CHD7: variants seen among roughly 807,000 people sequenced by gnomAD.
CHD7 encodes chromodomain helicase DNA binding protein 7, also known as ATP-dependent chromatin remodeler CHD7.
CHD7 carries 24 observed loss-of-function variants against 307.3 expected under a neutral mutation model. That is an observed-to-expected ratio of 0.08 (90% CI 0.06 to 0.11). The LOEUF (loss-of-function observed/expected upper bound fraction) is 0.11. CHD7 is among the 10% of genes least tolerant of loss of function. The pLI, the probability that CHD7 is intolerant of heterozygous loss-of-function variation, is 1.00. For synonymous variants in CHD7, 1,363 were observed against 1,349.9 expected, an observed-to-expected ratio of 1.01 and a Z score of -0.21; for missense variants, 3,106 against 3,727.1, an observed-to-expected ratio of 0.83 and a Z score of 4.34.
chr8:60,728,128 C>T lies in CHD7; in HGVS notation c.-174-13131C>T, dbSNP rs536877623. Among the ~76,000 whole-genome samples the T allele has an allele frequency of 7.9e-5, 12 of 152,326 alleles. No homozygotes were observed. The South Asian group carries it at 1.0e-3, about 13-fold the overall frequency. On this transcript the variant is annotated intron_variant, in intron 1 of 37. Transcript: ENST00000423902. ...TAAAATGCACAACTCTCTTAAAAAG[C>T]GTAGCTTAAAAACTGTGGATTATTT...
At chr8:60,857,577 A>G (rs1805770994) in intron 34 of CHD7, among the ~76,000 whole-genome samples, 1 of 152,182 alleles carries the variant, frequency 6.6e-6, no homozygotes, top group African/African-American at 2.4e-5. Flanking sequence ...GTTTAGCACT[A>G]TATATCTTGA....
chr8:60,808,125 C>T, intron 6 of CHD7, 92 bp from the exon 7 acceptor site: 1 of 864,316 alleles, frequency 1.2e-6, no homozygotes, highest in Non-Finnish European at 1.9e-6. Flanking sequence ...CTTTTCAGTC[C>T]TATTTTGTGC....
intron 19 of CHD7, among the ~76,000 whole-genome samples, chr8:60,840,855 C>T (rs976479816): frequency 6.6e-6 from 1 of 152,072 alleles, no homozygotes; most frequent in East Asian, 1.9e-4. Context: ...TGACCTCAAG[C>T]CATCTACCCA....
At chr8:60,856,267 G>A (rs899078711) in intron 33 of CHD7, 65 bp downstream of exon 33, 21 of 1,356,972 alleles carry the variant, frequency 1.5e-5, no homozygotes, top group African/African-American at 2.9e-5. Flanking sequence ...CTGAGTTTGC[G>A]AGCTTATATT....
chr8:60,681,622 A>T (rs1219269819), intron 1 of CHD7, among the ~76,000 whole-genome samples: 1 of 152,172 alleles, frequency 6.6e-6, no homozygotes, highest in African/African-American at 2.4e-5. Flanking sequence ...TAGAAGCTAA[A>T]TTTTCTTATT....
chr8:60,764,736 G>T (rs1244587605), intron 2 of CHD7, among the ~76,000 whole-genome samples: 1 of 152,172 alleles, frequency 6.6e-6, no homozygotes, highest in Non-Finnish European at 1.5e-5. Context: ...TTACCATGTA[G>T]TGATGTAACT....
intron 11 of CHD7, 105 bp from the exon 12 acceptor site, chr8:60,822,398 C>T (rs1032923838): frequency 1.8e-6 from 2 of 1,098,270 alleles, no homozygotes; most frequent in Non-Finnish European, 2.6e-6. Flanking sequence ...CATCTAAAGC[C>T]TTTGGGTATG....
chr8:60,828,565 G>T, intron 13 of CHD7, 98 bp from the exon 14 acceptor site: 2 of 1,100,312 alleles, frequency 1.8e-6, no homozygotes, highest in Non-Finnish European at 1.3e-6. Context: ...TAGGGTAGAT[G>T]AGTAGGAGTA....
chr8:60,771,616 C>T (rs1365257215), intron 2 of CHD7, among the ~76,000 whole-genome samples: 3 of 138,314 alleles, frequency 2.2e-5, no homozygotes, highest in Non-Finnish European at 4.8e-5. Flanking sequence ...GTCCTCTACT[C>T]GAGCCTCACA....
intron 4 of CHD7, among the ~76,000 whole-genome samples, chr8:60,796,843 G>A (rs1454132191): frequency 1.3e-5 from 2 of 152,190 alleles, no homozygotes; most frequent in African/African-American, 4.8e-5. Flanking sequence ...TGTAACACAT[G>A]CATGAAGGGC....
intron 22 of CHD7, 63 bp downstream of exon 22, chr8:60,845,126 C>T: frequency 6.3e-7 from 1 of 1,592,004 alleles, no homozygotes; most frequent in Non-Finnish European, 8.6e-7. Flanking sequence ...TTTTGTGACA[C>T]ACTGTTGATA....
chr8:60,832,442 G>A (rs746692518), intron 15 of CHD7, among the ~76,000 whole-genome samples: 1 of 152,170 alleles, frequency 6.6e-6, no homozygotes, highest in Non-Finnish European at 1.5e-5. Flanking sequence ...TTGTGCAGCC[G>A]TTACGGTGAG....
At position 60,741,738 on chromosome 8, in the gene CHD7, C is replaced by T. The variant is rs368111535; in HGVS notation, c.306C>T (p.His102=). The T allele has an allele frequency of 1.9e-6, 3 of 1,614,000 alleles. No homozygotes were observed. The highest frequency in any genetic ancestry group is 2.5e-6 in the Non-Finnish European group (3 of 1,179,874). Residue 102 remains histidine (H), a synonymous_variant, in exon 2 of 38, where the codon CAC becomes CAT. Coordinates refer to ENST00000423902, the MANE Select transcript of CHD7 (RefSeq NM_017780.4). ...NTPGNGLASP[H]SQYHTPPVPQ... ...CTGGGAACGGACTCGCGTCTCCGCA[C>T]TCGCAGTATCACACCCCTCCCGTTC...
chr8:60,845,205 T>C, intron 22 of CHD7, 45 bp from the exon 23 acceptor site: 2 of 1,585,282 alleles, frequency 1.3e-6, no homozygotes, highest in African/African-American at 1.4e-5. Context: ...GACACTATAA[T>C]TGGAATGTAA....
chr8:60,714,677 T>G (rs1807489518), intron 1 of CHD7, among the ~76,000 whole-genome samples: 1 of 152,070 alleles, frequency 6.6e-6, no homozygotes, highest in Non-Finnish European at 1.5e-5. Context: ...GAGCCCTTCT[T>G]GCCACCTGCC....
chr8:60,830,590 T>C lies in CHD7; in HGVS notation c.3778+13T>C. The stretch of plus-strand genomic sequence containing the variant: ...TACCTTATCAATGGTAAGGCTGCCC[T>C]GCTCGCGAACTTGCTTAAGTGACGA... On this transcript the variant is annotated intron_variant, in intron 15 of 37. Transcript: ENST00000423902. 6.2e-7 allele frequency: 1 copy of C among 1,608,094 alleles called. No individual in the cohort carries two copies.
chr8:60,713,414 ATT>A lies in CHD7; in HGVS notation c.-174-27835_-174-27834del, dbSNP rs5891775. ...CGTGAGCCACTGCGCCCGGCCAGAAATTTTTTTTTTTAATTGAAAGGCAGTAC... is the reference window on the plus strand; with the variant it reads ...CGTGAGCCACTGCGCCCGGCCAGAAATTTTTTTTTAATTGAAAGGCAGTAC... On this transcript the variant is annotated intron_variant, in intron 1 of 37. Transcript: ENST00000423902. 3.3e-5 allele frequency among the ~76,000 whole-genome samples: 5 copies of A among 150,810 alleles called. No individual in the cohort carries two copies. In the East Asian group the frequency reaches 7.8e-4, roughly 23 times the overall value.
rs865934608 is a variant in CHD7 at position 60,720,942 on chromosome 8, C to G, written c.-174-20317C>G. Among the ~76,000 whole-genome samples, 5 of 152,194 alleles carry G rather than the reference C, an allele frequency of 3.3e-5. No individual in the cohort carries two copies. The South Asian group carries it at 1.0e-3, about 31-fold the overall frequency. On this transcript the variant is annotated intron_variant, in intron 1 of 37. Coordinates refer to ENST00000423902, the MANE Select transcript of CHD7 (RefSeq NM_017780.4). Reference sequence around the variant, plus strand: ...TTTTCTATGGGAGTCCCTTAGAGCCCTGCTCAGCAGCCTGGATCCTCATCA... The same window carrying G: ...TTTTCTATGGGAGTCCCTTAGAGCCGTGCTCAGCAGCCTGGATCCTCATCA...
At position 60,816,208 on chromosome 8, in the gene CHD7, A is replaced by G. The variant is rs80290288; in HGVS notation, c.2499-179A>G. On this transcript the variant is annotated intron_variant, in intron 7 of 37. Transcript: ENST00000423902. Reference sequence around the variant, plus strand: ...GACAGAAGGCAAATTTTAGGCACTAATATTGATTTTCTCTTCTTATTCTAA... The same window carrying G: ...GACAGAAGGCAAATTTTAGGCACTAGTATTGATTTTCTCTTCTTATTCTAA... Among the ~76,000 whole-genome samples the G allele has an allele frequency of 8.9e-4, 135 of 152,004 alleles. 2 individuals are homozygous for G. The highest frequency in any genetic ancestry group is 3.1e-3 in the African/African-American group (129 of 41,390).
Sources: gnomAD v4.1 joint callset for allele counts (sites outside exome capture counted in the v4.1 genomes callset) on GRCh38, gnomAD v4.1.1 for gene constraint, MANE v1.5 for transcripts, NCBI Gene and HGNC (gene_info 2026-07-23, HGNC 2026-07-21) for gene names.